Variants in SGO1 observed in about 807,000 individuals in gnomAD.
The protein encoded by SGO1 is shugoshin 1, also known as serologically defined breast cancer antigen NY-BR-85.
In SGO1, 39 loss-of-function variants were observed where a neutral mutation model predicts 50.5. The ratio of observed to expected loss-of-function variants is 0.77; its 90% CI spans 0.60 to 1.01. SGO1 has a LOEUF of 1.01. Among genes scored for constraint, SGO1 ranks in the 50% least tolerant of loss-of-function variants. The pLI is 0.00. For synonymous variants in SGO1, 191 were observed against 205.1 expected (o/e 0.93, Z 0.59); for missense variants, 638 against 606.0 (o/e 1.05, Z -0.55).
At position 20,174,617 on chromosome 3, in the gene SGO1, C is replaced by G; in HGVS notation, c.914G>C (p.Arg305Pro). ...KRKANRRKSK[R>P]MSKYKENKSE... Reference sequence around the variant, plus strand: ...TTTATTCTCTTTATATTTTGACATACGTTTTGATTTTCTCCTGTTAGCTTT... The same window carrying G: ...TTTATTCTCTTTATATTTTGACATAGGTTTTGATTTTCTCCTGTTAGCTTT... Residue 305 changes from arginine to proline, a missense_variant, in exon 6 of 8, where the codon CGT becomes CCT. Physicochemically the swap from Arg to Pro is moderately radical, Grantham distance 103. Coordinates refer to ENST00000412997, the MANE Select transcript of SGO1 (RefSeq NM_001199251.3). 6.3e-7 allele frequency: 1 copy of G among 1,599,574 alleles called. No homozygotes were observed. Among genetic ancestry groups the G allele is most frequent in the Middle Eastern group, 1.7e-4 (1 of 5,984 alleles).
chr3:20,184,164 CA>C, intron 1 of SGO1, 130 bp from the exon 2 acceptor site: 1 of 581,918 alleles, frequency 1.7e-6, no homozygotes, highest in Non-Finnish European at 2.7e-6. Context: ...GATAGTTAAC[CA>C]ACTTGATAAT....
chr3:20,180,298 A>G (rs1292195752), intron 3 of SGO1, among the ~76,000 whole-genome samples: 2 of 152,172 alleles, frequency 1.3e-5, no homozygotes, highest in African/African-American at 2.4e-5. Context: ...AGGAAAAAAA[A>G]GAGTCGTTTC....
At position 20,170,081 on chromosome 3, in the gene SGO1, T is replaced by A; in HGVS notation, c.*623A>T. 1 of 985,274 alleles carries A rather than the reference T, an allele frequency of 1.0e-6. No individual in the cohort carries two copies. The highest frequency in any genetic ancestry group is 1.2e-6 in the Non-Finnish European group (1 of 829,778). 61.0% of individuals were successfully genotyped at this position (985,274 alleles called of 1,614,324 possible). On this transcript the variant is annotated 3_prime_UTR_variant, in exon 8 of 8. Coordinates refer to ENST00000412997, the MANE Select transcript of SGO1 (RefSeq NM_001199251.3). ...TAATTAAAAGATCTTATTTGAGTAA[T>A]CATTATTCATTTCTACAATGTTTGT...
In SGO1 at chr3:20,161,130, A is replaced by G. The variant is rs766371005; in HGVS notation, c.1661T>C (p.Leu554Pro). The G allele has an allele frequency of 3.1e-6, 5 of 1,613,912 alleles. No individual in the cohort carries two copies. The Admixed American group carries it at 5.0e-5, about 16-fold the overall frequency. ...TTACCTCAAGCAGATGTGGGTTTCAAGTTTACATTTCCTACAGTCTGGGAA... is the reference window on the plus strand; with the variant it reads ...TTACCTCAAGCAGATGTGGGTTTCAGGTTTACATTTCCTACAGTCTGGGAA... Residue 554 changes from leucine (L) to proline (P), a missense_variant, in exon 9 of 9, where the codon CTT becomes CCT. Transcript: ENST00000263753.
intron 5 of SGO1, among the ~76,000 whole-genome samples, chr3:20,176,326 C>T (rs1248189353): frequency 6.6e-6 from 1 of 152,090 alleles, no homozygotes; most frequent in Non-Finnish European, 1.5e-5. Flanking sequence ...AGATTATGCA[C>T]ATAAAATGCC....
At chr3:20,169,368 C>G (rs1013240617), downstream of SGO1, 1 of 984,580 alleles carries the variant, frequency 1.0e-6, no homozygotes, top group Non-Finnish European at 1.2e-6. Context: ...AGAACACCCC[C>G]CCCTCAAAAA....
At position 20,174,182 on chromosome 3, in the gene SGO1, T is replaced by TATA. The variant is rs1340558418; in HGVS notation, c.1282+64_1282+66dup. ...AGAGAAACAGATGGTAAGTATAGTATATAAGCATCAGGAGTGATCATTTAT... is the reference window on the plus strand; with the variant it reads ...AGAGAAACAGATGGTAAGTATAGTATATAATAAGCATCAGGAGTGATCATTTAT... On this transcript the variant is annotated intron_variant, in intron 6 of 7. Coordinates refer to ENST00000412997, the MANE Select transcript of SGO1 (RefSeq NM_001199251.3). 2.5e-6 allele frequency: 3 copies of TATA among 1,214,380 alleles called. No individual in the cohort carries two copies. The African/African-American group carries it at 4.5e-5, about 18-fold the overall frequency. The allele number at this position is 1,214,380 out of a possible 1,614,324, so 75.2% of individuals were successfully genotyped here.
At chr3:20,164,093 T>C (rs1230759804) in intron 8 of SGO1, among the ~76,000 whole-genome samples, 1 of 152,222 alleles carries the variant, frequency 6.6e-6, no homozygotes, top group African/African-American at 2.4e-5. Flanking sequence ...GCTGGTATTA[T>C]TACTCTGATA....
upstream of SGO1, among the ~76,000 whole-genome samples, chr3:20,186,852 C>G (rs1251481327): frequency 6.6e-6 from 1 of 152,130 alleles, no homozygotes; most frequent in Non-Finnish European, 1.5e-5. Context: ...ACACGATCTT[C>G]TCAACTCTGC....
At position 20,184,039 on chromosome 3, in the gene SGO1, A is replaced by C; in HGVS notation, c.-7-5T>G. On this transcript the variant is annotated splice_polypyrimidine_tract_variant and splice_region_variant and intron_variant, in intron 1 of 7. Transcript: ENST00000412997. ...CTTTCCTTGGCCATCTTTTGCCTAA[A>C]CAATAAAAAATATTTTTTCTCAGAG... The C allele has an allele frequency of 6.4e-7, 1 of 1,554,238 alleles. No homozygotes were observed. Among genetic ancestry groups the C allele is most frequent in the Non-Finnish European group, 8.6e-7 (1 of 1,160,082 alleles).
chr3:20,166,107 C>G (rs1326875487), downstream of SGO1, among the ~76,000 whole-genome samples: 1 of 151,986 alleles, frequency 6.6e-6, no homozygotes, highest in Non-Finnish European at 1.5e-5. Flanking sequence ...AAAATTATGA[C>G]TTAGAAGACA....
chr3:20,182,201 A>G (rs1481894120), intron 3 of SGO1, among the ~76,000 whole-genome samples: 5 of 152,176 alleles, frequency 3.3e-5, no homozygotes, highest in Non-Finnish European at 7.3e-5. Flanking sequence ...GTATATATGT[A>G]TATATTACAT....
chr3:20,162,585 T>C (rs1420961656), intron 8 of SGO1, among the ~76,000 whole-genome samples: 1 of 152,022 alleles, frequency 6.6e-6, no homozygotes, highest in African/African-American at 2.4e-5. Flanking sequence ...AGTTACAAGA[T>C]ATACAAGGCA....
downstream of SGO1, chr3:20,168,986 C>A: frequency 1.0e-6 from 1 of 984,530 alleles, no homozygotes; most frequent in East Asian, 1.1e-4. Context: ...GATAGCTACT[C>A]TAGTGTTTCC....
rs1033216354 is a variant in SGO1, at chr3:20,170,352, C to T, written c.*352G>A. 2.5e-6 allele frequency: 2 copies of T among 809,122 alleles called. No individual in the cohort carries two copies. Among genetic ancestry groups the T allele is most frequent in the East Asian group, 1.2e-4 (1 of 8,054 alleles). The allele number at this position is 809,122 out of a possible 1,614,324, so 50.1% of individuals were successfully genotyped here. ...GGCGGAGGTTGCGGTAAGCTGAGAT[C>T]GTGCCATTGCACTCCAGCCTGGGCA... On this transcript the variant is annotated 3_prime_UTR_variant, in exon 8 of 8. Coordinates refer to ENST00000412997, the MANE Select transcript of SGO1 (RefSeq NM_001199251.3).
chr3:20,180,963 C>G (rs1223670218), intron 3 of SGO1, among the ~76,000 whole-genome samples: 1 of 152,056 alleles, frequency 6.6e-6, no homozygotes, highest in Non-Finnish European at 1.5e-5. Context: ...CCTGTCTCTA[C>G]CCCCAACAAA....
Position 20,175,065 on chromosome 3 carries a change from T to TA in SGO1, c.476-11dup, listed in dbSNP as rs767189292. The TA allele has an allele frequency of 9.3e-6, 13 of 1,399,460 alleles. No homozygotes were observed. In the East Asian group the frequency reaches 3.3e-4, roughly 36 times the overall value. 86.7% of individuals were successfully genotyped at this position (1,399,460 alleles called of 1,614,324 possible). On this transcript the variant is annotated splice_polypyrimidine_tract_variant and intron_variant, in intron 5 of 7. Coordinates refer to ENST00000412997, the MANE Select transcript of SGO1 (RefSeq NM_001199251.3). ...ATAGTAGGTATCTGATCTGAGAATTTAAAAAATAAATGAGAAAAGTAGTTT... is the reference window on the plus strand; with the variant it reads ...ATAGTAGGTATCTGATCTGAGAATTTAAAAAAATAAATGAGAAAAGTAGTTT...
At chr3:20,164,341 A>G (rs1272030707) in intron 8 of SGO1, among the ~76,000 whole-genome samples, 3 of 152,182 alleles carry the variant, frequency 2.0e-5, no homozygotes, top group Non-Finnish European at 4.4e-5. Context: ...TATCATCTCA[A>G]TAAAGTAACT....
In SGO1 at chr3:20,184,028, C is replaced by T; in HGVS notation, c.-1G>A. 6.4e-7 allele frequency: 1 copy of T among 1,568,478 alleles called. No individual in the cohort carries two copies. The highest frequency in any genetic ancestry group is 8.6e-7 in the Non-Finnish European group (1 of 1,165,784). ...TTTTCAGGCATCTTTCCTTGGCCAT[C>T]TTTTGCCTAAACAATAAAAAATATT... On this transcript the variant is annotated 5_prime_UTR_variant, in exon 2 of 8. Transcript: ENST00000412997.
Sources: allele counts gnomAD v4.1 joint callset (sites outside exome capture counted in the v4.1 genomes callset), GRCh38; gene constraint gnomAD v4.1.1; transcripts MANE v1.5; gene names NCBI Gene and HGNC (gene_info 2026-07-23, HGNC 2026-07-21).